The following GMCL1 variants were observed in gnomAD, a reference collection of about 807,000 sequenced individuals.
GMCL1 encodes germ cell-less 1, spermatogenesis associated, also known as germ cell-less protein-like 1.
Under a neutral mutation model 75.5 loss-of-function variants are expected in GMCL1, and 54 were observed. That is an observed-to-expected ratio of 0.71 (90% CI 0.57 to 0.90). The LOEUF is 0.90. GMCL1 is among the 40% of genes least tolerant of loss of function. The probability of loss-of-function intolerance (pLI) is 0.00; values close to 1 mark genes in which losing one functional copy is unlikely to be tolerated. For missense variants in GMCL1, 537 were observed against 622.7 expected, an observed-to-expected ratio of 0.86 and a Z score of 1.47; for synonymous variants, 210 against 209.6, an observed-to-expected ratio of 1.00 and a Z score of -0.02.
intron 8 of GMCL1, among the ~76,000 whole-genome samples, chr2:69,853,165 C>T (rs1243335412): frequency 6.6e-6 from 1 of 152,142 alleles, no homozygotes; most frequent in African/African-American, 2.4e-5. Context: ...GTTCATGTGA[C>T]AGAACACTTG....
chr2:69,843,371 G>C, intron 5 of GMCL1, 110 bp downstream of exon 5: 1 of 581,770 alleles, frequency 1.7e-6, no homozygotes, highest in Non-Finnish European at 3.1e-6. Flanking sequence ...GGAAAAATAG[G>C]ATAGGGGGAT....
At chr2:69,857,006 T>C (rs1286967414) in intron 9 of GMCL1, among the ~76,000 whole-genome samples, 1 of 152,176 alleles carries the variant, frequency 6.6e-6, no homozygotes, top group Non-Finnish European at 1.5e-5. Flanking sequence ...CATTAGGCAC[T>C]TTCTTCCTAA....
At chr2:69,853,579 T>C (rs1198187005) in intron 8 of GMCL1, among the ~76,000 whole-genome samples, 1 of 152,172 alleles carries the variant, frequency 6.6e-6, no homozygotes, top group Non-Finnish European at 1.5e-5. Flanking sequence ...TTATCCTTAA[T>C]AGCAACAGGA....
chr2:69,866,218 AG>A (rs1675813222), intron 11 of GMCL1, among the ~76,000 whole-genome samples: 1 of 151,238 alleles, frequency 6.6e-6, no homozygotes, highest in Non-Finnish European at 1.5e-5. Context: ...ACTGCACTTC[AG>A]CCTGGTGACA....
chr2:69,865,028 C>A, intron 11 of GMCL1, 53 bp downstream of exon 11: 1 of 1,282,500 alleles, frequency 7.8e-7, no homozygotes, highest in Non-Finnish European at 1.1e-6. Context: ...ATTATCAGCA[C>A]ATCCTGCACC....
chr2:69,829,689 G>C lies in GMCL1; in HGVS notation c.-204G>C, dbSNP rs554854503. 3.5e-6 allele frequency: 2 copies of C among 563,540 alleles called. No individual in the cohort carries two copies. The highest frequency in any genetic ancestry group is 6.0e-6 in the Non-Finnish European group (2 of 330,622). The allele number at this position is 563,540 out of a possible 1,614,324, so 34.9% of individuals were successfully genotyped here. A position where few individuals can be genotyped will look rare whatever the true frequency, so the allele number is the denominator to read the frequency against. ...TGTTGCGAAAGCGAGGGGGCGAGGT[G>C]CTGCGGTGCTAGAGCGCGGCGCGAC... is the stretch of plus-strand genomic sequence containing the variant. On this transcript the variant is annotated 5_prime_UTR_variant, in exon 1 of 14. Coordinates refer to ENST00000282570, the MANE Select transcript of GMCL1 (RefSeq NM_178439.5).
intron 10 of GMCL1, 78 bp downstream of exon 10, chr2:69,861,425 A>G: frequency 2.3e-6 from 2 of 851,430 alleles, no homozygotes; most frequent in South Asian, 3.3e-5. Context: ...ATGTTGAAAA[A>G]TCATTAACAG....
At chr2:69,856,050 A>G (rs1354862310) in intron 9 of GMCL1, among the ~76,000 whole-genome samples, 1 of 152,190 alleles carries the variant, frequency 6.6e-6, no homozygotes, top group East Asian at 1.9e-4. Context: ...TTTGTTCAGT[A>G]TAAAATCAGA....
chr2:69,832,568 C>T (rs1004645073), intron 1 of GMCL1, among the ~76,000 whole-genome samples: 13 of 152,158 alleles, frequency 8.5e-5, no homozygotes, highest in African/African-American at 3.1e-4. Flanking sequence ...GTAGTGTATC[C>T]ATCAGCCACT....
intron 9 of GMCL1, among the ~76,000 whole-genome samples, chr2:69,857,870 C>G (rs1675524379): frequency 6.6e-6 from 1 of 152,162 alleles, no homozygotes; most frequent in Non-Finnish European, 1.5e-5. Flanking sequence ...TGAAGATACA[C>G]TTTTCCCTTC....
At position 69,849,847 on chromosome 2, in the gene GMCL1, G is replaced by A. The variant is rs529865562; in HGVS notation, c.934+105G>A. On this transcript the variant is annotated intron_variant, in intron 8 of 13. Transcript: ENST00000282570. Reference sequence around the variant, plus strand: ...AAATTAATTAATTAAATGAAATCAGGCCCTGACTTGTTTATAGACTTAATT... The same window carrying A: ...AAATTAATTAATTAAATGAAATCAGACCCTGACTTGTTTATAGACTTAATT... 4 of 598,742 alleles carry A rather than the reference G, an allele frequency of 6.7e-6. No homozygotes were observed. The South Asian group carries it at 9.7e-5, about 14-fold the overall frequency. The allele number at this position is 598,742 out of a possible 1,614,324, so 37.1% of individuals were successfully genotyped here.
intron 11 of GMCL1, among the ~76,000 whole-genome samples, chr2:69,866,468 G>T (rs781278208): frequency 1.3e-5 from 2 of 151,432 alleles, no homozygotes; most frequent in African/African-American, 4.9e-5. Context: ...ATTATTTTAC[G>T]TTCACATTGA....
Position 69,879,192 on chromosome 2 carries a change from G to A in GMCL1, c.*188G>A. 1 of 452,320 alleles carries A rather than the reference G, an allele frequency of 2.2e-6. No individual in the cohort carries two copies. The highest frequency in any genetic ancestry group is 5.8e-4 in the Middle Eastern group (1 of 1,734). 28.0% of individuals were successfully genotyped at this position (452,320 alleles called of 1,614,324 possible). A position where few individuals can be genotyped will look rare whatever the true frequency, so the allele number is the denominator to read the frequency against. ...ACAGAAGATTATTCTTATCCTCATT[G>A]CATTTCTATGCATATGCGTAAGAAC... On this transcript the variant is annotated 3_prime_UTR_variant, in exon 14 of 14. Transcript: ENST00000282570.
intron 13 of GMCL1, among the ~76,000 whole-genome samples, chr2:69,874,591 GTTTT>G (rs892179569): frequency 6.6e-6 from 1 of 151,476 alleles, no homozygotes; most frequent in African/African-American, 2.4e-5. Context: ...GTATTGTTGG[GTTTT>G]TTTATGCTTA....
At chr2:69,834,580 T>A (rs1337790029) in intron 1 of GMCL1, among the ~76,000 whole-genome samples, 1 of 152,214 alleles carries the variant, frequency 6.6e-6, no homozygotes, top group Non-Finnish European at 1.5e-5. Flanking sequence ...ACAGTCTTGA[T>A]GAAAAATTTG....
At chr2:69,835,442 G>T (rs1437435148) in intron 1 of GMCL1, among the ~76,000 whole-genome samples, 3 of 151,208 alleles carry the variant, frequency 2.0e-5, no homozygotes, top group Non-Finnish European at 2.9e-5. Flanking sequence ...CTGTCTCTCT[G>T]ATATGCTCTT....
intron 11 of GMCL1, chr2:69,869,489 A>G (rs1391947512): frequency 2.5e-6 from 1 of 394,072 alleles, no homozygotes; most frequent in African/African-American, 2.1e-5. Context: ...AAGGAAACTG[A>G]TCATGAAGAG....
At chr2:69,833,693 C>T (rs1263171782) in intron 1 of GMCL1, among the ~76,000 whole-genome samples, 2 of 152,186 alleles carry the variant, frequency 1.3e-5, no homozygotes, top group African/African-American at 2.4e-5. Flanking sequence ...GTATATACTT[C>T]CTGAGGTTGT....
At chr2:69,875,498 T>C (rs565791166) in intron 13 of GMCL1, among the ~76,000 whole-genome samples, 59 of 152,254 alleles carry the variant, frequency 3.9e-4, no homozygotes, top group African/African-American at 1.3e-3. Context: ...TCAAGTTTCC[T>C]TGCAAAAATT....
Sources: allele counts gnomAD v4.1 joint callset (sites outside exome capture counted in the v4.1 genomes callset), GRCh38; gene constraint gnomAD v4.1.1; transcripts MANE v1.5; gene names NCBI Gene and HGNC (gene_info 2026-07-23, HGNC 2026-07-21).